RAB27B: variants seen among roughly 807,000 people sequenced by gnomAD.
RAB27B encodes the protein RAB27B, member RAS oncogene family.
A neutral mutation model predicts 24.6 loss-of-function variants in RAB27B; 15 were observed. That is an observed-to-expected ratio of 0.61 (90% CI 0.41 to 0.94). The LOEUF (loss-of-function observed/expected upper bound fraction) is 0.94. Among genes scored for constraint, RAB27B ranks in the 40% least tolerant of loss-of-function variants. RAB27B has a pLI of 0.00. For synonymous variants in RAB27B, 105 were observed against 92.5 expected, an observed-to-expected ratio of 1.14 and a Z score of -0.78; for missense variants, 261 against 266.8, an observed-to-expected ratio of 0.98 and a Z score of 0.15.
At chr18:54,854,602 G>T (rs1354744087) in intron 1 of RAB27B, among the ~76,000 whole-genome samples, 1 of 152,088 alleles carries the variant, frequency 6.6e-6, no homozygotes, top group Non-Finnish European at 1.5e-5. Flanking sequence ...CCACCATTTA[G>T]ATCTCTATAA....
intron 2 of RAB27B, among the ~76,000 whole-genome samples, chr18:54,808,978 C>T (rs1194114308): frequency 1.3e-5 from 2 of 152,184 alleles, no homozygotes; most frequent in Non-Finnish European, 2.9e-5. Flanking sequence ...CCAGTGTCCA[C>T]AGAAGAACTT....
At chr18:54,794,615 T>C (rs574907867) in intron 2 of RAB27B, among the ~76,000 whole-genome samples, 63 of 152,362 alleles carry the variant, frequency 4.1e-4, no homozygotes, top group African/African-American at 1.5e-3. Flanking sequence ...GAAAAATTCT[T>C]GGAATGGCTG....
intron 1 of RAB27B, among the ~76,000 whole-genome samples, chr18:54,858,689 C>T (rs1248849349): frequency 6.6e-6 from 1 of 152,076 alleles, no homozygotes; most frequent in Non-Finnish European, 1.5e-5. Context: ...CAGGAAAACT[C>T]TTGAGTTTAG....
intron 1 of RAB27B, among the ~76,000 whole-genome samples, chr18:54,849,537 C>T (rs547679533): frequency 7.9e-5 from 12 of 152,146 alleles, no homozygotes; most frequent in East Asian, 7.8e-4. Flanking sequence ...TGCCCAACTT[C>T]GTGAAACCAC....
intron 2 of RAB27B, among the ~76,000 whole-genome samples, chr18:54,809,479 C>T (rs1302633025): frequency 6.6e-6 from 1 of 152,100 alleles, no homozygotes; most frequent in Non-Finnish European, 1.5e-5. Flanking sequence ...CGAGGTGAAT[C>T]CTGGAAACTG....
chr18:54,818,939 T>G (rs2145162202), intron 2 of RAB27B, among the ~76,000 whole-genome samples: 1 of 152,042 alleles, frequency 6.6e-6, no homozygotes, highest in African/African-American at 2.4e-5. Context: ...AATTGAATGG[T>G]TCTAGCATAT....
chr18:54,858,395 T>G (rs1007962594), intron 1 of RAB27B, among the ~76,000 whole-genome samples: 3 of 150,158 alleles, frequency 2.0e-5, no homozygotes, highest in Admixed American at 6.6e-5. Flanking sequence ...TTTTTTTTTT[T>G]TTTTTTTGAG....
chr18:54,739,319 G>A (rs1909999048), intron 2 of RAB27B, among the ~76,000 whole-genome samples: 1 of 151,908 alleles, frequency 6.6e-6, no homozygotes, highest in Non-Finnish European at 1.5e-5. Context: ...AGCCAGGCGT[G>A]GTGGTGGGTG....
chr18:54,840,075 T>C (rs973201040), intron 1 of RAB27B, among the ~76,000 whole-genome samples: 4 of 152,230 alleles, frequency 2.6e-5, no homozygotes, highest in Admixed American at 2.0e-4. Flanking sequence ...ACATTCTCTA[T>C]GGCTCCTAAA....
chr18:54,852,479 G>A (rs981418367), intron 1 of RAB27B, among the ~76,000 whole-genome samples: 2 of 152,198 alleles, frequency 1.3e-5, no homozygotes, highest in Non-Finnish European at 2.9e-5. Flanking sequence ...GTTGAGAACA[G>A]CTGTTTCTGT....
chr18:54,729,640 AG>A (rs749593621), intron 2 of RAB27B, among the ~76,000 whole-genome samples: 15 of 152,192 alleles, frequency 9.9e-5, no homozygotes, highest in Non-Finnish European at 2.1e-4. Context: ...AAGGAATAAG[AG>A]GGAATTTTTA....
chr18:54,777,465 A>T (rs570649629), intron 2 of RAB27B, among the ~76,000 whole-genome samples: 5 of 152,360 alleles, frequency 3.3e-5, no homozygotes, highest in African/African-American at 1.2e-4. Context: ...TGCAAACTCC[A>T]CCTGAGCTCT....
intron 1 of RAB27B, among the ~76,000 whole-genome samples, chr18:54,833,234 C>T (rs72924724): frequency 1.9e-3 from 247 of 129,462 alleles, no homozygotes; most frequent in African/African-American, 6.0e-3. Flanking sequence ...TTCTTTCTTT[C>T]TTTTTTTTTT....
At chr18:54,844,481 T>C (rs149755242) in intron 1 of RAB27B, among the ~76,000 whole-genome samples, 1,771 of 146,078 alleles carry the variant, frequency 0.012, 20 homozygotes, top group Non-Finnish European at 0.019. Context: ...CTCGTCTCAC[T>C]GCAAAAACTC....
chr18:54,755,561 A>T (rs1416667357), intron 2 of RAB27B, among the ~76,000 whole-genome samples: 1 of 152,216 alleles, frequency 6.6e-6, no homozygotes, highest in Non-Finnish European at 1.5e-5. Context: ...AATTACAAGT[A>T]GGTGATTTCC....
In RAB27B at chr18:54,888,957, T is replaced by G. The variant is rs75011258; in HGVS notation, c.468-267T>G. Among the ~76,000 whole-genome samples the G allele has an allele frequency of 3.9e-5, 6 of 152,206 alleles. No homozygotes were observed. In the East Asian group the frequency reaches 1.2e-3, roughly 29 times the overall value. On this transcript the variant is annotated intron_variant, in intron 5 of 5. Coordinates refer to ENST00000262094, the MANE Select transcript of RAB27B (RefSeq NM_004163.4). ...TTCCCCTCCTAATTTTTTTAAACAG[T>G]GATAATGCCTTGGCTTCAACTTCCT... is the stretch of plus-strand genomic sequence containing the variant.
intron 1 of RAB27B, among the ~76,000 whole-genome samples, chr18:54,846,570 T>C (rs1819890): frequency 0.96 from 145,952 of 152,296 alleles, 70,285 homozygotes; most frequent in East Asian, 1. Context: ...GTAGAGAGAG[T>C]TAAAGTAGTT....
Position 54,889,492 on chromosome 18 carries a change from T to A in RAB27B, c.*79T>A. 7.6e-7 allele frequency: 1 copy of A among 1,314,394 alleles called. No individual in the cohort carries two copies. The highest frequency in any genetic ancestry group is 1.6e-5 in the South Asian group (1 of 62,904). The allele number at this position is 1,314,394 out of a possible 1,614,324, so 81.4% of individuals were successfully genotyped here. A position where few individuals can be genotyped will look rare whatever the true frequency, so the allele number is the denominator to read the frequency against. ...ACAATGACAAACCACACAATTGTTG[T>A]TGAGTAAACCACGCACAATGGCATG... On this transcript the variant is annotated 3_prime_UTR_variant, in exon 6 of 6. Transcript: ENST00000262094.
chr18:54,869,597 A>C (rs931817389), intron 1 of RAB27B, among the ~76,000 whole-genome samples: 4 of 152,208 alleles, frequency 2.6e-5, no homozygotes, highest in Non-Finnish European at 4.4e-5. Flanking sequence ...GGTGTGATTA[A>C]ATTTAGAAGA....
Sources: gnomAD v4.1 joint callset for allele counts (sites outside exome capture counted in the v4.1 genomes callset) on GRCh38, gnomAD v4.1.1 for gene constraint, MANE v1.5 for transcripts, NCBI Gene and HGNC (gene_info 2026-07-23, HGNC 2026-07-21) for gene names.